ZNF616: variants seen among roughly 807,000 people sequenced by gnomAD.
ZNF616 encodes the protein zinc finger protein 616.
ZNF616 carries 5 observed loss-of-function variants against 7.6 expected under a neutral mutation model. That is an observed-to-expected ratio of 0.66 (90% CI 0.34 to 1.38). ZNF616 has a LOEUF of 1.38. ZNF616 is among the 40% of genes most tolerant of loss of function. The pLI, the probability that ZNF616 is intolerant of heterozygous loss-of-function variation, is 0.04. For missense variants in ZNF616, 913 were observed against 948.3 expected, an observed-to-expected ratio of 0.96 and a Z score of 0.49; for synonymous variants, 319 against 317.2, an observed-to-expected ratio of 1.01 and a Z score of -0.06.
In ZNF616 at chr19:52,115,461, C is replaced by G; in HGVS notation, c.1703G>C (p.Arg568Pro). The part of the protein sequence containing the change: ...FSQCSRLTVH[R>P]RIHSGEKPYK... ...AGGTTTCTCTCCACTATGAATTCTC[C>G]GATGCACTGTAAGACGTGAACATTG... Residue 568 changes from arginine to proline, a missense_variant, in exon 4 of 4, where the codon CGG becomes CCG. Transcript: ENST00000600228. The G allele has an allele frequency of 6.2e-7, 1 of 1,613,910 alleles. No individual in the cohort carries two copies. Among genetic ancestry groups the G allele is most frequent in the Admixed American group, 1.7e-5 (1 of 59,996 alleles).
chr19:52,115,427 G>C lies in ZNF616; in HGVS notation c.1737C>G (p.Cys579Trp), dbSNP rs772390408. Residue 579 changes from cysteine to tryptophan, a missense_variant, in exon 4 of 4, where the codon TGC (cysteine) becomes TGG (tryptophan). Physicochemically the swap from Cys to Trp is radical, Grantham distance 215 (BLOSUM62 -2). Transcript: ENST00000600228. Reference protein sequence around the residue: ...RIHSGEKPYKCNECGKVYSQY... With the variant: ...RIHSGEKPYKWNECGKVYSQY... ...GACTGTAGACCTTGCCGCATTCATTGCATTTGTAAGGTTTCTCTCCACTAT... is the reference window on the plus strand; with the variant it reads ...GACTGTAGACCTTGCCGCATTCATTCCATTTGTAAGGTTTCTCTCCACTAT... 1.1e-5 allele frequency: 17 copies of C among 1,614,032 alleles called. No individual in the cohort carries two copies. The South Asian group carries it at 1.9e-4, about 18-fold the overall frequency.
chr19:52,138,015 A>C (rs1371927820), intron 1 of ZNF616, among the ~76,000 whole-genome samples: 2 of 152,232 alleles, frequency 1.3e-5, no homozygotes, highest in African/African-American at 4.8e-5. Context: ...GTAGGCCTGT[A>C]GAGGTGGTTC....
chr19:52,121,580 A>G (rs752254709), intron 3 of ZNF616, among the ~76,000 whole-genome samples: 1 of 152,218 alleles, frequency 6.6e-6, no homozygotes, highest in African/African-American at 2.4e-5. Context: ...AAGATCTCCA[A>G]TAGAACAGAA....
intron 3 of ZNF616, among the ~76,000 whole-genome samples, chr19:52,118,462 T>C (rs778448766): frequency 7.2e-5 from 11 of 152,212 alleles, no homozygotes; most frequent in Non-Finnish European, 1.5e-4. Context: ...ATCCTCAATG[T>C]GATAGTATTT....
chr19:52,127,458 TTA>T (rs1391557262), intron 2 of ZNF616, among the ~76,000 whole-genome samples: 1 of 152,200 alleles, frequency 6.6e-6, no homozygotes, highest in Non-Finnish European at 1.5e-5. Flanking sequence ...TGTGAACCTA[TTA>T]TGTTATTTAT....
Position 52,114,743 on chromosome 19 carries a change from C to T in ZNF616, c.*75G>A. The stretch of plus-strand genomic sequence containing the variant: ...GGAGATTACAATTCCACAGGGATTT[C>T]AAGAGAAGGGGTAAATATACAAGGT... On this transcript the variant is annotated 3_prime_UTR_variant, in exon 4 of 4. Transcript: ENST00000600228. 1 of 1,485,512 alleles carries T rather than the reference C, an allele frequency of 6.7e-7. No individual in the cohort carries two copies. The highest frequency in any genetic ancestry group is 1.4e-5 in the South Asian group (1 of 71,904). 92.0% of individuals were successfully genotyped at this position (1,485,512 alleles called of 1,614,324 possible).
At chr19:52,121,932 T>C (rs971369349) in intron 3 of ZNF616, among the ~76,000 whole-genome samples, 1 of 152,054 alleles carries the variant, frequency 6.6e-6, no homozygotes, top group Non-Finnish European at 1.5e-5. Context: ...TCCCTAAGCA[T>C]GACGGGAAAA....
At chr19:52,122,085 T>C (rs1477611870) in intron 3 of ZNF616, among the ~76,000 whole-genome samples, 1 of 149,544 alleles carries the variant, frequency 6.7e-6, no homozygotes, top group African/African-American at 2.5e-5. Context: ...ATTATTATAA[T>C]ATAGCACTTG....
intron 3 of ZNF616, among the ~76,000 whole-genome samples, chr19:52,119,354 C>T (rs997981317): frequency 9.5e-5 from 14 of 148,016 alleles, no homozygotes; most frequent in African/African-American, 1.5e-4. Context: ...CCAGCCTGAG[C>T]GACAAAGCAA....
intron 2 of ZNF616, among the ~76,000 whole-genome samples, chr19:52,127,988 G>A (rs1046206545): frequency 6.6e-6 from 1 of 152,030 alleles, no homozygotes; most frequent in Admixed American, 6.6e-5. Flanking sequence ...AGCTCCCCAC[G>A]GAAACATGAG....
In ZNF616 at chr19:52,139,031, C is replaced by T. The variant is rs1011964912; in HGVS notation, c.-77+701G>A. ...TTTATGTGCTTTTCTCCCCGTGCTACTTTCTCCATGCGTCCTCTTGCACTC... is the reference window on the plus strand; with the variant it reads ...TTTATGTGCTTTTCTCCCCGTGCTATTTTCTCCATGCGTCCTCTTGCACTC... On this transcript the variant is annotated intron_variant, in intron 1 of 3. Transcript: ENST00000600228. This position sits in a 1 kb window ranked among gnomAD's most constrained non-coding sequence, Gnocchi z 4.1. Among the ~76,000 whole-genome samples, 2 of 152,198 alleles carry T rather than the reference C, an allele frequency of 1.3e-5. No homozygotes were observed. The highest frequency in any genetic ancestry group is 4.8e-5 in the African/African-American group (2 of 41,458).
rs900421670 is a variant in ZNF616 at position 52,130,368 on chromosome 19, T to C, written c.12+133A>G. The C allele has an allele frequency of 1.1e-5, 10 of 891,882 alleles. No homozygotes were observed. The African/African-American group carries it at 1.5e-4, about 13-fold the overall frequency. 55.2% of individuals were successfully genotyped at this position (891,882 alleles called of 1,614,324 possible). ...AACTGAGGAAAAGCATGGATGAGCA[T>C]GAGCAAATGTGTCAGGAAGGACACT... On this transcript the variant is annotated intron_variant, in intron 2 of 3. Coordinates refer to ENST00000600228, the MANE Select transcript of ZNF616 (RefSeq NM_178523.5).
chr19:52,122,995 A>G (rs964260311), intron 3 of ZNF616, among the ~76,000 whole-genome samples: 4 of 152,196 alleles, frequency 2.6e-5, no homozygotes, highest in African/African-American at 7.2e-5. Flanking sequence ...GAAATAACTG[A>G]AACTGTCTTA....
chr19:52,123,429 T>C (rs968907916), intron 3 of ZNF616, among the ~76,000 whole-genome samples: 1 of 151,984 alleles, frequency 6.6e-6, no homozygotes, highest in African/African-American at 2.4e-5. Context: ...ACCAGAGAAT[T>C]CCTTGAGCCC....
In ZNF616 at chr19:52,114,974, A is replaced by G; in HGVS notation, c.2190T>C (p.Phe730=). 6.2e-7 allele frequency: 1 copy of G among 1,614,202 alleles called. No individual in the cohort carries two copies. Among genetic ancestry groups the G allele is most frequent in the Non-Finnish European group, 8.5e-7 (1 of 1,180,028 alleles). Residue 730 remains phenylalanine (F), a synonymous_variant, in exon 4 of 4, where the codon TTT becomes TTC. Coordinates refer to ENST00000600228, the MANE Select transcript of ZNF616 (RefSeq NM_178523.5). ...GAATTCTTTGGTGTTTGCTGAGGGA[A>G]AACAACCGCCCAAAGGCTTTGCCAC... ...IECGKAFGRL[F]SLSKHQRIHS...
At chr19:52,136,158 G>C (rs1376661433) in intron 1 of ZNF616, among the ~76,000 whole-genome samples, 1 of 148,692 alleles carries the variant, frequency 6.7e-6, no homozygotes, top group Non-Finnish European at 1.5e-5. Context: ...GGGGGGACAG[G>C]GGGCAAAGGA....
At chr19:52,137,971 C>T (rs927212708) in intron 1 of ZNF616, among the ~76,000 whole-genome samples, 8 of 151,928 alleles carry the variant, frequency 5.3e-5, no homozygotes, top group Non-Finnish European at 1.2e-4. Context: ...AACAAAAAAC[C>T]AACACTCTCA....
At chr19:52,118,452 A>C (rs534314006) in intron 3 of ZNF616, among the ~76,000 whole-genome samples, 1 of 152,208 alleles carries the variant, frequency 6.6e-6, no homozygotes, top group Admixed American at 6.5e-5. Context: ...TGAGGACCCA[A>C]TCCTCAATGT....
chr19:52,114,188 A>G lies in ZNF616; in HGVS notation c.*630T>C, dbSNP rs1444004322. ...TACATCTATGCCCTTTTAATTACCT[A>G]GATTTACAAGTTCTGGCTTTTGAGT... On this transcript the variant is annotated 3_prime_UTR_variant, in exon 4 of 4. Transcript: ENST00000600228. 1.3e-5 allele frequency: 2 copies of G among 152,104 alleles called. No homozygotes were observed. The highest frequency in any genetic ancestry group is 2.9e-5 in the Non-Finnish European group (2 of 68,026). The allele number at this position is 152,104 out of a possible 1,614,324, so 9.4% of individuals were successfully genotyped here.
Sources: allele counts gnomAD v4.1 joint callset (sites outside exome capture counted in the v4.1 genomes callset), GRCh38; gene constraint gnomAD v4.1.1; non-coding constraint Gnocchi (gnomAD v3.1); transcripts MANE v1.5; gene names NCBI Gene and HGNC (gene_info 2026-07-23, HGNC 2026-07-21).